The following FYB2 variants were observed in gnomAD, a reference collection of about 807,000 sequenced individuals.
FYB2 encodes FYN binding protein 2.
FYB2 carries 103 observed loss-of-function variants against 94.1 expected under a neutral mutation model. The ratio of observed to expected loss-of-function variants is 1.09; its 90% CI spans 0.93 to 1.29. FYB2 has a LOEUF of 1.29. Among genes scored for constraint, FYB2 ranks in the 50% most tolerant of loss-of-function variants. The pLI, the probability that FYB2 is intolerant of heterozygous loss-of-function variation, is 0.00. For synonymous variants in FYB2, 293 were observed against 287.9 expected, an observed-to-expected ratio of 1.02 and a Z score of -0.18; for missense variants, 896 against 841.5, an observed-to-expected ratio of 1.06 and a Z score of -0.80.
intron 15 of FYB2, among the ~76,000 whole-genome samples, chr1:56,731,095 A>T (rs75214882): frequency 6.6e-6 from 1 of 151,870 alleles, no homozygotes; most frequent in South Asian, 2.1e-4. Context: ...ACAAAACAAA[A>T]CAAAAAAACC....
chr1:56,792,507 T>C lies in FYB2; in HGVS notation c.306A>G (p.Val102=), dbSNP rs564812008. ...CCTTCTGTGAACTTGTTGCAGAACA[T>C]ACAGTAGACTTTCCCAGAGGCCCTG... ...NSPGPLGKST[V]CSATSSQKAS... Residue 102 remains valine (V), a synonymous_variant, in exon 2 of 20, where the codon GTA becomes GTG. Coordinates refer to ENST00000343433, the MANE Select transcript of FYB2 (RefSeq NM_001004303.5). The C allele has an allele frequency of 3.9e-5, 63 of 1,614,170 alleles. No individual in the cohort carries two copies. In the East Asian group the frequency reaches 5.1e-4, roughly 13 times the overall value.
intron 4 of FYB2, among the ~76,000 whole-genome samples, chr1:56,775,016 G>T (rs1280701434): frequency 1.3e-5 from 2 of 152,104 alleles, no homozygotes; most frequent in Non-Finnish European, 2.9e-5. Flanking sequence ...CCTTCAAAAA[G>T]TAGGGATACT....
At chr1:56,826,263 T>C in the FYB2 span, among the ~76,000 whole-genome samples, 1 of 152,122 alleles carries the variant, frequency 6.6e-6, no homozygotes, top group Non-Finnish European at 1.5e-5. Context: ...AAATGAGTCT[T>C]CTTAGTTTTA....
chr1:56,798,379 A>G lies in FYB2; in HGVS notation c.10-5576T>C, dbSNP rs1378926350. On this transcript the variant is annotated intron_variant, in intron 1 of 19. Transcript: ENST00000343433. ...TCGAGAGATATTGTGGGAACAACCT[A>G]AGATAAAAGACAGTGGTGTCCTCTA... 2.6e-5 allele frequency among the ~76,000 whole-genome samples: 4 copies of G among 152,320 alleles called. No individual in the cohort carries two copies. The East Asian group carries it at 7.7e-4, about 29-fold the overall frequency.
intron 1 of FYB2, among the ~76,000 whole-genome samples, chr1:56,811,303 C>T (rs1646761428): frequency 6.6e-6 from 1 of 152,180 alleles, no homozygotes; most frequent in Admixed American, 6.5e-5. Flanking sequence ...CTTCAAAATG[C>T]ATTTTAAAAG....
intron 15 of FYB2, among the ~76,000 whole-genome samples, chr1:56,730,213 T>C (rs1213493852): frequency 1.4e-5 from 2 of 139,876 alleles, no homozygotes; most frequent in Admixed American, 1.5e-4. Flanking sequence ...AGATAAAAAA[T>C]ACAAAAGATC....
intron 1 of FYB2, among the ~76,000 whole-genome samples, chr1:56,818,495 CACACAT>C (rs145273779): frequency 4.6e-4 from 59 of 129,512 alleles, no homozygotes; most frequent in Non-Finnish European, 6.0e-4. Context: ...CACACACACA[CACACAT>C]GCACACGCAC....
At chr1:56,723,205 A>G (rs926081180) in intron 17 of FYB2, among the ~76,000 whole-genome samples, 12 of 97,472 alleles carry the variant, frequency 1.2e-4, no homozygotes, top group Non-Finnish European at 2.3e-4. Context: ...AGATTCACAG[A>G]CACACACACA....
chr1:56,797,255 G>T (rs1646421548), intron 1 of FYB2, among the ~76,000 whole-genome samples: 1 of 152,146 alleles, frequency 6.6e-6, no homozygotes, highest in African/African-American at 2.4e-5. Flanking sequence ...CAGTGTATGA[G>T]GCTGGAGAAG....
At chr1:56,750,174 G>C (rs1645162531) in intron 9 of FYB2, among the ~76,000 whole-genome samples, 1 of 151,898 alleles carries the variant, frequency 6.6e-6, no homozygotes, top group Non-Finnish European at 1.5e-5. Context: ...GTAAGGCATG[G>C]TATAATTTTT....
At chr1:56,805,973 A>T (rs948741576) in intron 1 of FYB2, among the ~76,000 whole-genome samples, 3 of 152,194 alleles carry the variant, frequency 2.0e-5, no homozygotes, top group African/African-American at 7.2e-5. Context: ...ATGGACTAAT[A>T]CATCTGTGGT....
intron 1 of FYB2, among the ~76,000 whole-genome samples, chr1:56,793,958 C>T (rs960113241): frequency 7.9e-5 from 12 of 152,158 alleles, no homozygotes; most frequent in Non-Finnish European, 1.3e-4. Flanking sequence ...ACTTGATCTT[C>T]CCTCTAAGTG....
chr1:56,765,618 C>T (rs572677257), intron 5 of FYB2, among the ~76,000 whole-genome samples: 64 of 152,242 alleles, frequency 4.2e-4, no homozygotes, highest in Middle Eastern at 3.4e-3. Flanking sequence ...TTTTCCTGGT[C>T]GTTTGGCTAG....
At chr1:56,758,131 C>T (rs183502312) in intron 6 of FYB2, among the ~76,000 whole-genome samples, 3 of 152,056 alleles carry the variant, frequency 2.0e-5, no homozygotes, top group Admixed American at 6.6e-5. Context: ...AGGTGAAATG[C>T]TCTGTTTCAA....
At chr1:56,735,985 T>A (rs971296602) in intron 15 of FYB2, among the ~76,000 whole-genome samples, 8 of 152,116 alleles carry the variant, frequency 5.3e-5, no homozygotes, top group African/African-American at 1.9e-4. Context: ...AAAGAAATGA[T>A]AAATGTTTGA....
intron 11 of FYB2, among the ~76,000 whole-genome samples, chr1:56,743,460 G>A (rs1300678506): frequency 6.6e-6 from 1 of 152,052 alleles, no homozygotes; most frequent in East Asian, 1.9e-4. Flanking sequence ...ATTGAGCTGA[G>A]ATTAGAAGAT....
At chr1:56,789,264 G>T in intron 2 of FYB2, 130 bp from the exon 3 acceptor site, 1 of 1,028,290 alleles carries the variant, frequency 9.7e-7, no homozygotes, top group Non-Finnish European at 1.4e-6. Flanking sequence ...AGAGTGCCCT[G>T]ATCAATACAT....
chr1:56,820,291 ATAGGTAG>A (rs1200258475), upstream of FYB2, among the ~76,000 whole-genome samples: 1 of 151,758 alleles, frequency 6.6e-6, no homozygotes, highest in Non-Finnish European at 1.5e-5. Context: ...CCATGGTCAC[ATAGGTAG>A]TAACTAGAAG....
rs551052961 is a variant in FYB2, at chr1:56,780,358, G to A, written c.953+6817C>T. 1.5e-4 allele frequency among the ~76,000 whole-genome samples: 23 copies of A among 152,282 alleles called. No individual in the cohort carries two copies. The South Asian group carries it at 4.4e-3, about 29-fold the overall frequency. On this transcript the variant is annotated intron_variant, in intron 4 of 19. Transcript: ENST00000343433. ...CAGAAAATGAAATCCTAAGGCAGGC[G>A]TTCAAGAACACCTGCTCAAAGCATA...
Sources: allele counts gnomAD v4.1 joint callset (sites outside exome capture counted in the v4.1 genomes callset), GRCh38; gene constraint gnomAD v4.1.1; transcripts MANE v1.5; gene names NCBI Gene and HGNC (gene_info 2026-07-23, HGNC 2026-07-21).